Variants in SMYD3 observed in about 807,000 individuals in gnomAD.
The protein encoded by SMYD3 is SET and MYND domain containing 3.
SMYD3 carries 36 observed loss-of-function variants against 57.7 expected under a neutral mutation model. The observed-to-expected ratio is 0.62, with a 90% CI of 0.48 to 0.82. The LOEUF is 0.82. Among genes scored for constraint, SMYD3 ranks in the 40% least tolerant of loss-of-function variants. The probability of loss-of-function intolerance (pLI) is 0.00; values close to 1 mark genes in which losing one functional copy is unlikely to be tolerated. For synonymous variants in SMYD3, 211 were observed against 195.0 expected (o/e 1.08, Z -0.68); for missense variants, 515 against 538.8 (o/e 0.96, Z 0.44).
chr1:245,990,689 G>T (rs2058796048), intron 5 of SMYD3, among the ~76,000 whole-genome samples: 1 of 152,210 alleles, frequency 6.6e-6, no homozygotes, highest in Non-Finnish European at 1.5e-5. Context: ...GCCTCTAGAA[G>T]CTGGAAAAGG....
At chr1:245,989,357 C>G (rs540014433) in intron 5 of SMYD3, among the ~76,000 whole-genome samples, 1 of 152,324 alleles carries the variant, frequency 6.6e-6, no homozygotes, top group African/African-American at 2.4e-5. Flanking sequence ...TCCTTAATTT[C>G]ATTGTGTACT....
At chr1:245,815,530 T>A (rs954740794) in intron 10 of SMYD3, among the ~76,000 whole-genome samples, 9 of 152,244 alleles carry the variant, frequency 5.9e-5, no homozygotes, top group African/African-American at 2.2e-4. Context: ...AGCCCCCAAG[T>A]GACTCTGATG....
intron 1 of SMYD3, among the ~76,000 whole-genome samples, chr1:246,451,691 C>T (rs939872458): frequency 2.6e-5 from 4 of 152,124 alleles, no homozygotes; most frequent in African/African-American, 2.4e-5. Context: ...GCCATTCTGG[C>T]GGGGGGTGTC....
intron 2 of SMYD3, among the ~76,000 whole-genome samples, chr1:246,345,933 C>T (rs1301464611): frequency 2.0e-5 from 3 of 152,148 alleles, no homozygotes; most frequent in Admixed American, 2.0e-4. Flanking sequence ...TGAGAAACAC[C>T]TATGAATGCC....
intron 10 of SMYD3, among the ~76,000 whole-genome samples, chr1:245,812,701 CAAAA>C (rs10636374): frequency 2.3e-5 from 3 of 130,958 alleles, no homozygotes; most frequent in Non-Finnish European, 4.7e-5. Context: ...ACAACAGTTC[CAAAA>C]AAAAAAAAAA....
At chr1:246,144,532 T>C (rs2061812694) in intron 5 of SMYD3, among the ~76,000 whole-genome samples, 1 of 152,218 alleles carries the variant, frequency 6.6e-6, no homozygotes, top group Non-Finnish European at 1.5e-5. Flanking sequence ...CTTCTAATTA[T>C]ATGAGAATGG....
intron 10 of SMYD3, among the ~76,000 whole-genome samples, chr1:245,837,208 C>A (rs1462138701): frequency 1.3e-5 from 2 of 148,252 alleles, no homozygotes; most frequent in African/African-American, 5.0e-5. Flanking sequence ...CCTGTAATCC[C>A]AGCTACTTGA....
chr1:246,002,420 G>A (rs1346220498), intron 5 of SMYD3, among the ~76,000 whole-genome samples: 4 of 49,648 alleles, frequency 8.1e-5, no homozygotes, highest in East Asian at 4.5e-4. Flanking sequence ...TCCTGACCTC[G>A]TGATCCACCC....
chr1:246,431,128 T>TA (rs1429930119), intron 1 of SMYD3, among the ~76,000 whole-genome samples: 1 of 151,712 alleles, frequency 6.6e-6, no homozygotes, highest in African/African-American at 2.4e-5. Flanking sequence ...GTTAACCAGA[T>TA]AAACAGGAAA....
chr1:245,782,846 T>TAGAA, intron 10 of SMYD3, among the ~76,000 whole-genome samples: 1 of 152,260 alleles, frequency 6.6e-6, no homozygotes, highest in African/African-American at 2.4e-5. Flanking sequence ...GGAGTTCTTC[T>TAGAA]GAGCCACAAT....
chr1:246,075,512 T>C (rs888559704), intron 5 of SMYD3, among the ~76,000 whole-genome samples: 9 of 152,030 alleles, frequency 5.9e-5, no homozygotes, highest in Non-Finnish European at 1.2e-4. Flanking sequence ...CAGCAAAAAA[T>C]TGTCTGCAAG....
chr1:245,890,536 A>G (rs2053324245), intron 8 of SMYD3, among the ~76,000 whole-genome samples: 1 of 152,232 alleles, frequency 6.6e-6, no homozygotes, highest in Non-Finnish European at 1.5e-5. Context: ...ATCTCACCAC[A>G]GTTAAAATGG....
chr1:245,990,194 T>C (rs4600012), intron 5 of SMYD3, among the ~76,000 whole-genome samples: 78,487 of 151,968 alleles, frequency 0.52, 23,696 homozygotes, highest in Middle Eastern at 0.69. Context: ...CTCATCGTCC[T>C]GAGTAGCTGG....
intron 5 of SMYD3, among the ~76,000 whole-genome samples, chr1:246,155,157 C>T (rs2062004169): frequency 1.3e-5 from 2 of 152,106 alleles, no homozygotes; most frequent in Non-Finnish European, 2.9e-5. Context: ...CCTTACTCTA[C>T]ACAAGTCATT....
chr1:246,219,019 CCT>C (rs2148415839), intron 5 of SMYD3, among the ~76,000 whole-genome samples: 1 of 152,164 alleles, frequency 6.6e-6, no homozygotes, highest in African/African-American at 2.4e-5. Flanking sequence ...AGTTGTCAAG[CCT>C]CTCTTTTATA....
intron 5 of SMYD3, among the ~76,000 whole-genome samples, chr1:246,228,114 C>T (rs572706317): frequency 3.8e-4 from 58 of 151,986 alleles, no homozygotes; most frequent in African/African-American, 1.4e-3. Flanking sequence ...GGATTACAGG[C>T]GCATGCTACC....
chr1:246,005,176 T>A (rs2059148268), intron 5 of SMYD3, among the ~76,000 whole-genome samples: 1 of 152,182 alleles, frequency 6.6e-6, no homozygotes, highest in Non-Finnish European at 1.5e-5. Context: ...GGGGGAAACA[T>A]TACATGAAGA....
In SMYD3 at chr1:246,117,609, C is replaced by T. The variant is rs555446812; in HGVS notation, c.532-187672G>A. Among the ~76,000 whole-genome samples, 267 of 152,336 alleles carry T rather than the reference C, an allele frequency of 1.8e-3. 1 individual carries two copies. Among genetic ancestry groups the T allele is most frequent in the Non-Finnish European group, 2.8e-3 (189 of 68,028 alleles). On this transcript the variant is annotated intron_variant, in intron 5 of 11. Transcript: ENST00000490107. ...CCCTCCCACTCCTGACCCCAGTGCT[C>T]GCTCTTGCGCACTCTCTCTCTCTCC...
At chr1:246,038,548 C>T (rs900896413) in intron 5 of SMYD3, among the ~76,000 whole-genome samples, 8 of 152,106 alleles carry the variant, frequency 5.3e-5, no homozygotes, top group African/African-American at 1.4e-4. Flanking sequence ...GTATTCTAGA[C>T]GTTAAAAAAC....
Sources: allele counts gnomAD v4.1 joint callset (sites outside exome capture counted in the v4.1 genomes callset), GRCh38; gene constraint gnomAD v4.1.1; transcripts MANE v1.5; gene names NCBI Gene and HGNC (gene_info 2026-07-23, HGNC 2026-07-21).